Variants in TRHR observed in about 807,000 individuals in gnomAD.
TRHR encodes the protein thyrotropin-releasing hormone receptor.
Under a neutral mutation model 28.0 loss-of-function variants are expected in TRHR, and 14 were observed. That is an observed-to-expected ratio of 0.50 (90% CI 0.33 to 0.78). The LOEUF is 0.78. TRHR is among the 30% of genes least tolerant of loss of function. The pLI, the probability that TRHR is intolerant of heterozygous loss-of-function variation, is 0.02. For missense variants in TRHR, 438 were observed against 469.5 expected (o/e 0.93, Z 0.62); for synonymous variants, 176 against 171.9 (o/e 1.02, Z -0.18).
chr8:109,097,571 A>G (rs929675222), intron 2 of TRHR, among the ~76,000 whole-genome samples: 18 of 152,346 alleles, frequency 1.2e-4, no homozygotes, highest in South Asian at 4.1e-4. Flanking sequence ...AGTGTACAGA[A>G]GAGACAAGAA....
rs1333857758 is a variant in TRHR at position 109,121,099 on chromosome 8, A to G, written c.*1644A>G. On this transcript the variant is annotated 3_prime_UTR_variant, in exon 3 of 3. Coordinates refer to ENST00000518632, the MANE Select transcript of TRHR (RefSeq NM_003301.7). ...AGAGTGCGCTTTTTTTTTTTTGAAA[A>G]TTGGCCTTATCTACTCCAGCAAGAC... Among the ~76,000 whole-genome samples, 1 of 150,482 alleles carries G rather than the reference A, an allele frequency of 6.6e-6. No individual in the cohort carries two copies. The highest frequency in any genetic ancestry group is 2.4e-5 in the African/African-American group (1 of 40,938).
chr8:109,103,162 T>C (rs572495614), intron 2 of TRHR, among the ~76,000 whole-genome samples: 1 of 152,154 alleles, frequency 6.6e-6, no homozygotes, highest in Non-Finnish European at 1.5e-5. Context: ...CTCAAAAACA[T>C]GTGAACAAGG....
At position 109,119,555 on chromosome 8, in the gene TRHR, C is replaced by A; in HGVS notation, c.*100C>A. On this transcript the variant is annotated 3_prime_UTR_variant, in exon 3 of 3. Transcript: ENST00000518632. Reference sequence around the variant, plus strand: ...CCAATAGTCATATGTGAAGACAGAGCAGATCAGTCTTTGTCAATGCTCTAA... The same window carrying A: ...CCAATAGTCATATGTGAAGACAGAGAAGATCAGTCTTTGTCAATGCTCTAA... 1 of 1,414,812 alleles carries A rather than the reference C, an allele frequency of 7.1e-7. No homozygotes were observed. Among genetic ancestry groups the A allele is most frequent in the Non-Finnish European group, 9.7e-7 (1 of 1,027,384 alleles). The allele number at this position is 1,414,812 out of a possible 1,614,324, so 87.6% of individuals were successfully genotyped here. A position where few individuals can be genotyped will look rare whatever the true frequency, so the allele number is the denominator to read the frequency against.
intron 2 of TRHR, among the ~76,000 whole-genome samples, chr8:109,104,370 G>A (rs1343842730): frequency 6.6e-6 from 1 of 152,056 alleles, no homozygotes; most frequent in Non-Finnish European, 1.5e-5. Context: ...CCATTTTTCT[G>A]AAAGAGAAAT....
At position 109,088,196 on chromosome 8, in the gene TRHR, A is replaced by G; in HGVS notation, c.684A>G (p.Lys228=). The stretch of plus-strand genomic sequence containing the variant: ...TAAATCCCATTCCTTCAGATCCTAA[A>G]GAAAACTCTAAGACATGGAAAAATG... ...LFLNPIPSDP[K]ENSKTWKNDS... is the part of the protein sequence containing the mutation. Residue 228 remains lysine (K), a synonymous_variant, in exon 2 of 3, where the codon AAA becomes AAG. Transcript: ENST00000518632. 1 of 1,614,160 alleles carries G rather than the reference A, an allele frequency of 6.2e-7. No individual in the cohort carries two copies. Among genetic ancestry groups the G allele is most frequent in the East Asian group, 2.2e-5 (1 of 44,876 alleles).
At chr8:109,098,658 C>A (rs1239750105) in intron 2 of TRHR, among the ~76,000 whole-genome samples, 1 of 152,170 alleles carries the variant, frequency 6.6e-6, no homozygotes, top group Non-Finnish European at 1.5e-5. Context: ...TGTCCCCCAA[C>A]ACACCCTCAT....
At chr8:109,111,379 G>A (rs1371125522) in intron 2 of TRHR, among the ~76,000 whole-genome samples, 1 of 152,160 alleles carries the variant, frequency 6.6e-6, no homozygotes, top group Non-Finnish European at 1.5e-5. Flanking sequence ...AGGGCCATCT[G>A]AGAGTATAAT....
At chr8:109,108,405 A>G (rs1164650783) in intron 2 of TRHR, among the ~76,000 whole-genome samples, 2 of 152,160 alleles carry the variant, frequency 1.3e-5, no homozygotes, top group African/African-American at 4.8e-5. Context: ...CCAGAGAAGC[A>G]CAAGGGAGAA....
At chr8:109,107,242 C>T (rs1811765506) in intron 2 of TRHR, among the ~76,000 whole-genome samples, 1 of 152,184 alleles carries the variant, frequency 6.6e-6, no homozygotes, top group Non-Finnish European at 1.5e-5. Context: ...TTAAATACTA[C>T]ACCTTTCCCC....
At chr8:109,111,729 T>G (rs975225075) in intron 2 of TRHR, among the ~76,000 whole-genome samples, 2 of 152,220 alleles carry the variant, frequency 1.3e-5, no homozygotes, top group Non-Finnish European at 2.9e-5. Flanking sequence ...GTCAGGCATA[T>G]GTACTAAAGA....
intron 2 of TRHR, among the ~76,000 whole-genome samples, chr8:109,109,460 G>T (rs1174696981): frequency 6.6e-6 from 1 of 151,234 alleles, no homozygotes; most frequent in Non-Finnish European, 1.5e-5. Context: ...AAAAAGTAGG[G>T]CCGTTATGAA....
intron 2 of TRHR, among the ~76,000 whole-genome samples, chr8:109,092,885 C>G (rs1161820018): frequency 3.3e-5 from 5 of 151,676 alleles, no homozygotes; most frequent in African/African-American, 4.8e-5. Context: ...CCCCACCTCT[C>G]AAAGACCAAA....
intron 2 of TRHR, among the ~76,000 whole-genome samples, chr8:109,102,671 G>A (rs1811694433): frequency 6.6e-6 from 1 of 152,052 alleles, no homozygotes; most frequent in Non-Finnish European, 1.5e-5. Flanking sequence ...GATTGAGAAT[G>A]AGGGTAATGG....
intron 2 of TRHR, among the ~76,000 whole-genome samples, chr8:109,110,959 C>G (rs1449253327): frequency 1.3e-5 from 2 of 152,094 alleles, no homozygotes. Flanking sequence ...AGTTCCAGAC[C>G]AGCCTGGCCA....
chr8:109,095,136 T>C (rs940292763), intron 2 of TRHR, among the ~76,000 whole-genome samples: 1 of 151,956 alleles, frequency 6.6e-6, no homozygotes, highest in Non-Finnish European at 1.5e-5. Context: ...TTCATTCACA[T>C]CCAAAAAGCC....
rs561793191 is a variant in TRHR, at chr8:109,120,404, G to T, written c.*949G>T. On this transcript the variant is annotated 3_prime_UTR_variant, in exon 3 of 3. Transcript: ENST00000518632. Reference sequence around the variant, plus strand: ...CATTCAAGCAAAATCTAGCTGAAAAGTCTGAAACATTCTTAAAAGCTTTGT... The same window carrying T: ...CATTCAAGCAAAATCTAGCTGAAAATTCTGAAACATTCTTAAAAGCTTTGT... 4.6e-5 allele frequency among the ~76,000 whole-genome samples: 7 copies of T among 151,804 alleles called. No individual in the cohort carries two copies. The highest frequency in any genetic ancestry group is 2.0e-4 in the Admixed American group (3 of 15,196).
rs557932316 is a variant in TRHR, at chr8:109,114,762, C to A, written c.790-4286C>A. Among the ~76,000 whole-genome samples the A allele has an allele frequency of 3.9e-5, 6 of 152,080 alleles. No individual in the cohort carries two copies. The East Asian group carries it at 9.7e-4, about 25-fold the overall frequency. Reference sequence around the variant, plus strand: ...AGCCCCTGCTAATGACTTCTCAACCCCAAGTTTATATCAAGGGTTCTCTTA... The same window carrying A: ...AGCCCCTGCTAATGACTTCTCAACCACAAGTTTATATCAAGGGTTCTCTTA... On this transcript the variant is annotated intron_variant, in intron 2 of 2. Coordinates refer to ENST00000518632, the MANE Select transcript of TRHR (RefSeq NM_003301.7).
At chr8:109,113,502 G>A (rs990087594) in intron 2 of TRHR, among the ~76,000 whole-genome samples, 4 of 152,100 alleles carry the variant, frequency 2.6e-5, no homozygotes, top group African/African-American at 9.7e-5. Flanking sequence ...AAGGAGCTGT[G>A]ACACCTAAGA....
chr8:109,113,388 T>G (rs1396604979), intron 2 of TRHR, among the ~76,000 whole-genome samples: 1 of 152,020 alleles, frequency 6.6e-6, no homozygotes, highest in Non-Finnish European at 1.5e-5. Context: ...TCAGCTAACC[T>G]CAACTTAAAG....
Sources: allele counts gnomAD v4.1 joint callset (sites outside exome capture counted in the v4.1 genomes callset), GRCh38; gene constraint gnomAD v4.1.1; transcripts MANE v1.5; gene names NCBI Gene and HGNC (gene_info 2026-07-23, HGNC 2026-07-21).